TMEM267: variants seen among roughly 807,000 people sequenced by gnomAD.
The protein encoded by TMEM267 is transmembrane protein 267, also known as transmembrane protein C5orf28.
In TMEM267, 20 loss-of-function variants were observed where a neutral mutation model predicts 19.3. The ratio of observed to expected loss-of-function variants is 1.04; its 90% CI spans 0.73 to 1.51. TMEM267 has a LOEUF of 1.51. TMEM267 is among the 40% of genes most tolerant of loss of function. The pLI is 0.00. For missense variants in TMEM267, 242 were observed against 261.9 expected (o/e 0.92, Z 0.52); for synonymous variants, 88 against 90.3 (o/e 0.97, Z 0.15).
chr5:43,459,502 C>A (rs36076336), intron 1 of TMEM267, among the ~76,000 whole-genome samples: 2,097 of 151,780 alleles, frequency 0.014, 58 homozygotes, highest in East Asian at 0.13. Context: ...AAAGTCTTCA[C>A]AATATAGAAA....
intron 1 of TMEM267, among the ~76,000 whole-genome samples, chr5:43,470,298 A>G: frequency 6.6e-6 from 1 of 152,146 alleles, no homozygotes; most frequent in East Asian, 1.9e-4. Flanking sequence ...ACACACCACC[A>G]TACCCAAACA....
At chr5:43,447,232 G>A (rs1432459552) in intron 2 of TMEM267, among the ~76,000 whole-genome samples, 16 of 151,896 alleles carry the variant, frequency 1.1e-4, no homozygotes, top group Non-Finnish European at 5.9e-5. Flanking sequence ...TGGGATCATA[G>A]GCACCTGCCA....
intron 1 of TMEM267, among the ~76,000 whole-genome samples, chr5:43,478,423 T>TTG (rs1451325987): frequency 6.6e-6 from 1 of 152,282 alleles, no homozygotes; most frequent in Admixed American, 6.5e-5. Context: ...TTATATGAAT[T>TTG]TGTCAACAGA....
chr5:43,474,119 A>G (rs143747061), intron 1 of TMEM267, among the ~76,000 whole-genome samples: 3,554 of 152,326 alleles, frequency 0.023, 69 homozygotes, highest in Middle Eastern at 0.048. Flanking sequence ...TTAACTCAAG[A>G]TGGATTAAAG....
rs1172108599 is a variant in TMEM267, at chr5:43,445,451, GTTAC to G, written c.*767_*770del. 6.6e-6 allele frequency: 1 copy of G among 151,824 alleles called. No homozygotes were observed. The highest frequency in any genetic ancestry group is 2.4e-5 in the African/African-American group (1 of 41,352). The allele number at this position is 151,824 out of a possible 1,614,324, so 9.4% of individuals were successfully genotyped here. A position where few individuals can be genotyped will look rare whatever the true frequency, so the allele number is the denominator to read the frequency against. On this transcript the variant is annotated 3_prime_UTR_variant, in exon 3 of 3. Coordinates refer to ENST00000397080, the MANE Select transcript of TMEM267 (RefSeq NM_022483.5). ...ATCCAAATATCAACATTTTGTTAAT[GTTAC>G]TTATTATTTTCAAAACAGTTAAAAC...
rs143232681 is a variant in TMEM267 at position 43,458,064 on chromosome 5, T to C, written c.-74-4021A>G. 4.8e-3 allele frequency among the ~76,000 whole-genome samples: 730 copies of C among 152,086 alleles called. 5 individuals carry two copies. Among genetic ancestry groups the C allele is most frequent in the African/African-American group, 0.016 (655 of 41,486 alleles). On this transcript the variant is annotated intron_variant, in intron 1 of 2. Transcript: ENST00000397080. ...AGGCATGAGCCATCATGCCTGGCTA[T>C]ATGTTTCCATTTCTATTTATTTAAT...
chr5:43,478,095 C>T (rs1744535580), intron 1 of TMEM267, among the ~76,000 whole-genome samples: 1 of 152,132 alleles, frequency 6.6e-6, no homozygotes. Context: ...AGAGGAACCT[C>T]CCAAATATAT....
At chr5:43,473,884 C>CA (rs1744235802) in intron 1 of TMEM267, among the ~76,000 whole-genome samples, 1 of 152,136 alleles carries the variant, frequency 6.6e-6, no homozygotes, top group Admixed American at 6.5e-5. Context: ...GCTACAGTAA[C>CA]AAAAACAGCA....
chr5:43,447,491 G>T (rs1244514660), intron 2 of TMEM267, among the ~76,000 whole-genome samples: 1 of 152,116 alleles, frequency 6.6e-6, no homozygotes, highest in East Asian at 1.9e-4. Context: ...GTAGGGTTTT[G>T]TTCTCACCTG....
intron 2 of TMEM267, among the ~76,000 whole-genome samples, chr5:43,450,722 C>T (rs543551453): frequency 5.3e-5 from 8 of 152,252 alleles, no homozygotes; most frequent in African/African-American, 1.9e-4. Flanking sequence ...AGCCTAAATG[C>T]TTTTAAAAAT....
intron 1 of TMEM267, among the ~76,000 whole-genome samples, chr5:43,463,522 T>C (rs1743411480): frequency 6.6e-6 from 1 of 152,166 alleles, no homozygotes; most frequent in South Asian, 2.1e-4. Context: ...TTGATGAACA[T>C]TGATACAAAA....
intron 1 of TMEM267, among the ~76,000 whole-genome samples, chr5:43,472,521 C>G (rs1744141595): frequency 6.6e-6 from 1 of 152,076 alleles, no homozygotes; most frequent in South Asian, 2.1e-4. Context: ...TTTACAATAG[C>G]TAAGATGTGG....
At chr5:43,457,929 C>T (rs1434061837) in intron 1 of TMEM267, among the ~76,000 whole-genome samples, 1 of 152,060 alleles carries the variant, frequency 6.6e-6, no homozygotes, top group East Asian at 1.9e-4. Context: ...GACAGGGTCT[C>T]ACTGTGTTGC....
chr5:43,473,046 G>A (rs753252220), intron 1 of TMEM267, among the ~76,000 whole-genome samples: 36 of 148,692 alleles, frequency 2.4e-4, no homozygotes, highest in Non-Finnish European at 5.0e-4. Context: ...GCTGAGGCAG[G>A]AGAATCACTC....
intron 1 of TMEM267, among the ~76,000 whole-genome samples, chr5:43,477,415 C>T (rs1744494073): frequency 6.6e-6 from 1 of 152,030 alleles, no homozygotes; most frequent in Admixed American, 6.6e-5. Flanking sequence ...CGTGAAACCC[C>T]ATCTCTACTA....
intron 1 of TMEM267, among the ~76,000 whole-genome samples, chr5:43,479,113 C>A (rs757252270): frequency 1.3e-5 from 2 of 151,534 alleles, no homozygotes; most frequent in Middle Eastern, 3.4e-3. Flanking sequence ...TGAAATATGG[C>A]ACTAGTGAAA....
chr5:43,450,231 T>A (rs1053578628), intron 2 of TMEM267, among the ~76,000 whole-genome samples: 2 of 152,138 alleles, frequency 1.3e-5, no homozygotes, highest in African/African-American at 4.8e-5. Flanking sequence ...TGGCCTCAAG[T>A]GATCCTCCCA....
chr5:43,467,576 A>G (rs1298572987), intron 1 of TMEM267, among the ~76,000 whole-genome samples: 2 of 152,206 alleles, frequency 1.3e-5, no homozygotes, highest in African/African-American at 4.8e-5. Context: ...GCACCCAGAT[A>G]TATAAAGGAA....
At chr5:43,472,422 C>T (rs530284305) in intron 1 of TMEM267, among the ~76,000 whole-genome samples, 1 of 152,204 alleles carries the variant, frequency 6.6e-6, no homozygotes, top group East Asian at 1.9e-4. Flanking sequence ...CCATATGATC[C>T]AGCAATCCCA....
Sources: gnomAD v4.1 joint callset for allele counts (sites outside exome capture counted in the v4.1 genomes callset) on GRCh38, gnomAD v4.1.1 for gene constraint, MANE v1.5 for transcripts, NCBI Gene and HGNC (gene_info 2026-07-23, HGNC 2026-07-21) for gene names.